The following TMEM135 variants were observed in gnomAD, a reference collection of about 807,000 sequenced individuals.
TMEM135 encodes the protein peroxisomal membrane protein 52.
TMEM135 carries 30 observed loss-of-function variants against 60.3 expected under a neutral mutation model. The ratio of observed to expected loss-of-function variants is 0.50; its 90% CI spans 0.37 to 0.68. TMEM135 has a LOEUF of 0.68. TMEM135 is among the 30% of genes least tolerant of loss of function. The pLI, the probability that TMEM135 is intolerant of heterozygous loss-of-function variation, is 0.00. For missense variants in TMEM135, 468 were observed against 548.8 expected (o/e 0.85, Z 1.47); for synonymous variants, 190 against 186.7 (o/e 1.02, Z -0.14).
In TMEM135 at chr11:87,322,718, A is replaced by G. The variant is rs77270381; in HGVS notation, c.*1385A>G. 619 of 454,068 alleles carry G rather than the reference A, an allele frequency of 1.4e-3. 13 individuals are homozygous for G. In the East Asian group the frequency reaches 0.039, roughly 28 times the overall value. 28.1% of individuals were successfully genotyped at this position (454,068 alleles called of 1,614,324 possible). On this transcript the variant is annotated 3_prime_UTR_variant, in exon 15 of 15. Transcript: ENST00000305494. ...TGCTTAATCCCTCATATTCAATTTCATCAAGCCTTGTATACTTCTGCTTAA... is the reference window on the plus strand; with the variant it reads ...TGCTTAATCCCTCATATTCAATTTCGTCAAGCCTTGTATACTTCTGCTTAA...
At chr11:87,170,234 C>T (rs1001438845) in intron 5 of TMEM135, among the ~76,000 whole-genome samples, 1 of 152,106 alleles carries the variant, frequency 6.6e-6, no homozygotes, top group African/African-American at 2.4e-5. Flanking sequence ...TTAGAACATG[C>T]TTCTTTACCT....
rs775512178 is a variant in TMEM135, at chr11:87,325,715, A to G, written c.*4382A>G. On this transcript the variant is annotated 3_prime_UTR_variant, in exon 15 of 15. Coordinates refer to ENST00000305494, the MANE Select transcript of TMEM135 (RefSeq NM_022918.4). ...CCAGAGACACTGATTTTTTTTTTAT[A>G]TGCTCTGTTTTTCTTAGGCAGGATG... 34 of 453,422 alleles carry G rather than the reference A, an allele frequency of 7.5e-5. No individual in the cohort carries two copies. The highest frequency in any genetic ancestry group is 6.2e-4 in the African/African-American group (31 of 49,934). The allele number at this position is 453,422 out of a possible 1,614,324, so 28.1% of individuals were successfully genotyped here.
chr11:87,251,340 A>G (rs2135391402), intron 6 of TMEM135, among the ~76,000 whole-genome samples: 1 of 152,326 alleles, frequency 6.6e-6, no homozygotes, highest in East Asian at 1.9e-4. Context: ...GAAAGGAGTC[A>G]GTAAAGCAGA....
chr11:87,038,327 C>CGGGGTGTTGGGGGGGGTG, intron 1 of TMEM135, 141 bp downstream of exon 1: 1 of 349,706 alleles, frequency 2.9e-6, no homozygotes, highest in Non-Finnish European at 4.3e-6. Context: ...TTTGGGGGGT[C>CGGGGTGTTGGGGGGGGTG]GGTAGGGGGA....
At chr11:87,170,085 A>G (rs534271769) in intron 5 of TMEM135, among the ~76,000 whole-genome samples, 12 of 151,184 alleles carry the variant, frequency 7.9e-5, no homozygotes, top group Non-Finnish European at 1.3e-4. Context: ...TTGGCTATTG[A>G]TATGTGTTTA....
chr11:87,111,571 A>G (rs550029188), intron 4 of TMEM135, among the ~76,000 whole-genome samples: 1 of 151,434 alleles, frequency 6.6e-6, no homozygotes, highest in South Asian at 2.1e-4. Context: ...GAATGGCGTG[A>G]ACCCGGGAGG....
rs17149940 is a variant in TMEM135 at position 87,325,614 on chromosome 11, G to C, written c.*4281G>C. The C allele has an allele frequency of 4.6e-3, 2,086 of 453,742 alleles. 44 individuals carry two copies. Among genetic ancestry groups the C allele is most frequent in the African/African-American group, 0.038 (1,907 of 49,978 alleles). The allele number at this position is 453,742 out of a possible 1,614,324, so 28.1% of individuals were successfully genotyped here. ...TTAACTAGTCTCCTTGGACTTCATT[G>C]CAACCTTTTAAGCCAGCCGTTCAAG... On this transcript the variant is annotated 3_prime_UTR_variant, in exon 15 of 15. Transcript: ENST00000305494.
In TMEM135 at chr11:87,283,575, G is replaced by A. The variant is rs548472955; in HGVS notation, c.510-12207G>A. 2.7e-5 allele frequency among the ~76,000 whole-genome samples: 4 copies of A among 146,184 alleles called. No individual in the cohort carries two copies. The East Asian group carries it at 7.8e-4, about 28-fold the overall frequency. ...AATATGCATTTGAAAATAAATTAAT[G>A]GGGCTGGGTGCGGTGGCTCACGCCT... On this transcript the variant is annotated intron_variant, in intron 6 of 14. Coordinates refer to ENST00000305494, the MANE Select transcript of TMEM135 (RefSeq NM_022918.4).
intron 5 of TMEM135, among the ~76,000 whole-genome samples, chr11:87,225,479 C>T (rs1230176896): frequency 1.3e-5 from 2 of 151,400 alleles, no homozygotes; most frequent in African/African-American, 4.9e-5. Context: ...CCCTTTTTTA[C>T]AAGGACAGAC....
chr11:87,088,387 AT>A (rs1849097668), intron 3 of TMEM135, among the ~76,000 whole-genome samples: 10 of 152,156 alleles, frequency 6.6e-5, no homozygotes, highest in Admixed American at 6.5e-4. Context: ...AAATAACTAT[AT>A]TACCCTATGT....
intron 5 of TMEM135, among the ~76,000 whole-genome samples, chr11:87,160,382 T>A (rs933933199): frequency 1.3e-5 from 2 of 152,210 alleles, no homozygotes; most frequent in Non-Finnish European, 2.9e-5. Context: ...ATACTTTATC[T>A]TTTAAAAATC....
chr11:87,169,285 C>A (rs974782257), intron 5 of TMEM135, among the ~76,000 whole-genome samples: 1 of 148,208 alleles, frequency 6.7e-6, no homozygotes, highest in African/African-American at 2.5e-5. Context: ...TTAATTGGGG[C>A]ATTTAGCCCA....
chr11:87,137,910 G>C (rs1231013132), intron 4 of TMEM135, among the ~76,000 whole-genome samples: 1 of 151,806 alleles, frequency 6.6e-6, no homozygotes, highest in East Asian at 1.9e-4. Context: ...CAAACCATCT[G>C]CTTATCATTT....
At chr11:87,321,121 A>T (rs1942811884) in intron 14 of TMEM135, 80 bp from the exon 15 acceptor site, 1 of 1,085,046 alleles carries the variant, frequency 9.2e-7, no homozygotes. Flanking sequence ...CCCATCCCAC[A>T]TAAGATAAGT....
intron 1 of TMEM135, among the ~76,000 whole-genome samples, chr11:87,038,992 A>G (rs968388437): frequency 3.9e-5 from 6 of 152,200 alleles, no homozygotes; most frequent in Non-Finnish European, 8.8e-5. Context: ...TTAAAGATTT[A>G]TTATTACTTT....
intron 6 of TMEM135, among the ~76,000 whole-genome samples, chr11:87,291,000 T>G (rs954619764): frequency 3.9e-5 from 6 of 152,232 alleles, no homozygotes; most frequent in African/African-American, 1.4e-4. Flanking sequence ...TTTTTCTTCC[T>G]TTGAAGAGAT....
intron 6 of TMEM135, among the ~76,000 whole-genome samples, chr11:87,244,105 T>C (rs1267406094): frequency 1.2e-5 from 1 of 80,592 alleles, no homozygotes; most frequent in East Asian, 2.3e-4. Flanking sequence ...TCTATTGAGA[T>C]AATCATGTGG....
chr11:87,195,557 G>C (rs1038054409), intron 5 of TMEM135, among the ~76,000 whole-genome samples: 1 of 152,004 alleles, frequency 6.6e-6, no homozygotes, highest in Non-Finnish European at 1.5e-5. Context: ...CAGTCGAGTA[G>C]CTGGGATTAC....
chr11:87,159,266 CATT>C (rs1938795008), intron 5 of TMEM135, among the ~76,000 whole-genome samples: 1 of 152,106 alleles, frequency 6.6e-6, no homozygotes, highest in South Asian at 2.1e-4. Context: ...ATATTTCTTA[CATT>C]TTAAGAGCTC....
Sources: gnomAD v4.1 joint callset for allele counts (sites outside exome capture counted in the v4.1 genomes callset) on GRCh38, gnomAD v4.1.1 for gene constraint, MANE v1.5 for transcripts, NCBI Gene and HGNC (gene_info 2026-07-23, HGNC 2026-07-21) for gene names.